MYRIP: variants seen among roughly 807,000 people sequenced by gnomAD.
MYRIP encodes the protein rab effector MyRIP.
In MYRIP, 49 loss-of-function variants were observed where a neutral mutation model predicts 98.0. That is an observed-to-expected ratio of 0.50 (90% CI 0.40 to 0.63). The LOEUF is 0.63. MYRIP is among the 30% of genes least tolerant of loss of function. MYRIP has a pLI of 0.00. For synonymous variants in MYRIP, 404 were observed against 409.5 expected, an observed-to-expected ratio of 0.99 and a Z score of 0.16; for missense variants, 1,004 against 1,058.2, an observed-to-expected ratio of 0.95 and a Z score of 0.71.
chr3:40,084,336 ACATC>A (rs1948558618), intron 3 of MYRIP, among the ~76,000 whole-genome samples: 2 of 149,110 alleles, frequency 1.3e-5, no homozygotes, highest in Non-Finnish European at 3.0e-5. Flanking sequence ...TAGATAATAC[ACATC>A]TATGTATTAT....
chr3:40,099,596 G>A (rs555988502), intron 3 of MYRIP, among the ~76,000 whole-genome samples: 14 of 152,208 alleles, frequency 9.2e-5, no homozygotes, highest in South Asian at 2.1e-4. Flanking sequence ...ACACACTCTC[G>A]TGCTTTTCTT....
intron 3 of MYRIP, among the ~76,000 whole-genome samples, chr3:40,097,598 T>C (rs1207300854): frequency 6.6e-6 from 1 of 151,800 alleles, no homozygotes; most frequent in Non-Finnish European, 1.5e-5. Flanking sequence ...AATGTTAAAA[T>C]AAAAAACACC....
At chr3:39,940,643 T>C (rs1385240302) in intron 2 of MYRIP, among the ~76,000 whole-genome samples, 1 of 152,162 alleles carries the variant, frequency 6.6e-6, no homozygotes, top group Non-Finnish European at 1.5e-5. Context: ...GTACATGATT[T>C]CTTATTGCTC....
intron 8 of MYRIP, among the ~76,000 whole-genome samples, chr3:40,179,898 T>C (rs574283163): frequency 1.3e-5 from 2 of 152,384 alleles, no homozygotes; most frequent in African/African-American, 4.8e-5. Context: ...AGGTTTGCCA[T>C]AGAATGATGT....
intron 2 of MYRIP, among the ~76,000 whole-genome samples, chr3:39,999,204 T>C (rs1163713114): frequency 1.3e-5 from 2 of 152,198 alleles, no homozygotes; most frequent in African/African-American, 4.8e-5. Flanking sequence ...AAAGAGCTTC[T>C]GCACAGCAAA....
intron 12 of MYRIP, among the ~76,000 whole-genome samples, chr3:40,243,561 T>C (rs1197077295): frequency 6.6e-6 from 1 of 152,232 alleles, no homozygotes; most frequent in Non-Finnish European, 1.5e-5. Flanking sequence ...TTTAGGATTT[T>C]ATATATGTTG....
At chr3:40,257,206 C>T (rs2125733511) in intron 16 of MYRIP, among the ~76,000 whole-genome samples, 1 of 152,204 alleles carries the variant, frequency 6.6e-6, no homozygotes, top group East Asian at 1.9e-4. Context: ...TGCCTGTAGT[C>T]CCAGCTACTG....
At chr3:40,224,913 G>A (rs1194505507) in intron 11 of MYRIP, among the ~76,000 whole-genome samples, 2 of 152,208 alleles carry the variant, frequency 1.3e-5, no homozygotes, top group Non-Finnish European at 2.9e-5. Context: ...GTCTGTTCAT[G>A]GAGAATGTAT....
rs1214677663 is a variant in MYRIP, at chr3:40,157,311, A to G, written c.470-5419A>G. Reference sequence around the variant, plus strand: ...CTGGATTACATTTATTGATTTGCGTATATTGAACCAGCCTTGCATCCCAGG... The same window carrying G: ...CTGGATTACATTTATTGATTTGCGTGTATTGAACCAGCCTTGCATCCCAGG... On this transcript the variant is annotated intron_variant, in intron 4 of 16. Transcript: ENST00000302541. 2.1e-3 allele frequency among the ~76,000 whole-genome samples: 267 copies of G among 127,222 alleles called. 1 individual carries two copies. The highest frequency in any genetic ancestry group is 3.7e-3 in the Middle Eastern group (1 of 270). The allele number at this position is 127,222 out of a possible 152,430, so 83.5% of individuals were successfully genotyped here.
chr3:40,215,715 C>G (rs963187874), intron 11 of MYRIP, among the ~76,000 whole-genome samples: 5 of 152,170 alleles, frequency 3.3e-5, no homozygotes, highest in African/African-American at 1.2e-4. Flanking sequence ...CCCTACAACC[C>G]AGGGAGCATT....
Position 40,038,717 on chromosome 3 carries a change from CA to C in MYRIP, c.111-5332del, listed in dbSNP as rs371996978. 1.8e-3 allele frequency among the ~76,000 whole-genome samples: 277 copies of C among 151,870 alleles called. 3 individuals carry two copies. The highest frequency in any genetic ancestry group is 6.5e-3 in the African/African-American group (270 of 41,384). Reference sequence around the variant, plus strand: ...TCCTTTTAATTTAAAAATATGGGGACAGGGGAAGGAGAGAGAGGGAACAAAG... The same window carrying C: ...TCCTTTTAATTTAAAAATATGGGGACGGGGAAGGAGAGAGAGGGAACAAAG... On this transcript the variant is annotated intron_variant, in intron 2 of 16. Transcript: ENST00000302541.
intron 10 of MYRIP, among the ~76,000 whole-genome samples, chr3:40,204,199 A>C (rs1298474030): frequency 3.0e-5 from 1 of 33,112 alleles, no homozygotes; most frequent in Non-Finnish European, 5.8e-5. Flanking sequence ...TAAATATTAT[A>C]TTATATATTT....
chr3:39,878,939 G>A (rs994511049), intron 1 of MYRIP, among the ~76,000 whole-genome samples: 5 of 151,198 alleles, frequency 3.3e-5, no homozygotes, highest in South Asian at 2.1e-4. Context: ...GGTGGCGCAC[G>A]CCTGTAGTCC....
At chr3:40,223,022 G>A (rs1952380769) in intron 11 of MYRIP, among the ~76,000 whole-genome samples, 1 of 152,044 alleles carries the variant, frequency 6.6e-6, no homozygotes, top group Non-Finnish European at 1.5e-5. Flanking sequence ...GAGGGGATGG[G>A]GCATAGAATG....
chr3:39,941,507 G>A (rs183619838), intron 2 of MYRIP, among the ~76,000 whole-genome samples: 28,018 of 150,870 alleles, frequency 0.19, 3,723 homozygotes, highest in African/African-American at 0.38. Context: ...GTGTGTGTGT[G>A]TGTATATATA....
intron 3 of MYRIP, among the ~76,000 whole-genome samples, chr3:40,068,318 T>A (rs1201244895): frequency 6.6e-6 from 1 of 152,226 alleles, no homozygotes; most frequent in Non-Finnish European, 1.5e-5. Flanking sequence ...ATTTAAAAAA[T>A]TCTAACTACT....
At chr3:39,815,023 C>T (rs1313527056) in intron 1 of MYRIP, among the ~76,000 whole-genome samples, 1 of 152,148 alleles carries the variant, frequency 6.6e-6, no homozygotes, top group Admixed American at 6.6e-5. Context: ...AAGTCACATA[C>T]TATACAATTC....
intron 1 of MYRIP, among the ~76,000 whole-genome samples, chr3:39,815,489 C>G (rs954212221): frequency 9.2e-5 from 14 of 151,980 alleles, no homozygotes; most frequent in South Asian, 8.3e-4. Flanking sequence ...TTTTATTGCT[C>G]TTGTGAATGG....
intron 2 of MYRIP, among the ~76,000 whole-genome samples, chr3:39,918,073 C>T (rs1944208830): frequency 6.6e-6 from 1 of 152,012 alleles, no homozygotes; most frequent in East Asian, 1.9e-4. Flanking sequence ...ACTACAGGCG[C>T]CCGCCACCAC....
Sources: allele counts gnomAD v4.1 joint callset (sites outside exome capture counted in the v4.1 genomes callset), GRCh38; gene constraint gnomAD v4.1.1; transcripts MANE v1.5; gene names NCBI Gene and HGNC (gene_info 2026-07-23, HGNC 2026-07-21).